Variants in DLG2 observed in about 807,000 individuals in gnomAD.
The protein encoded by DLG2 is disks large homolog 2.
In DLG2, 45 loss-of-function variants were observed where a neutral mutation model predicts 132.5. The ratio of observed to expected loss-of-function variants is 0.34; its 90% CI spans 0.27 to 0.44. The LOEUF is 0.44. Ranked by LOEUF, DLG2 falls within the 20% of genes least tolerant of loss-of-function variation. DLG2 has a pLI of 1.00. For missense variants in DLG2, 1,045 were observed against 1,196.9 expected (o/e 0.87, Z 1.87); for synonymous variants, 424 against 419.6 (o/e 1.01, Z -0.13).
intron 6 of DLG2, among the ~76,000 whole-genome samples, chr11:84,916,141 C>T (rs1214751229): frequency 2.0e-5 from 3 of 151,288 alleles, no homozygotes; most frequent in Non-Finnish European, 2.9e-5. Context: ...GTCAGGAGAT[C>T]GAGACCATCC....
chr11:85,080,773 T>A (rs1393377538), intron 6 of DLG2, among the ~76,000 whole-genome samples: 1 of 152,156 alleles, frequency 6.6e-6, no homozygotes, highest in Non-Finnish European at 1.5e-5. Flanking sequence ...TCTCAATTGT[T>A]GTCCAATCAT....
intron 6 of DLG2, among the ~76,000 whole-genome samples, chr11:84,794,416 G>A (rs1040449843): frequency 1.3e-5 from 2 of 152,180 alleles, no homozygotes; most frequent in African/African-American, 2.4e-5. Context: ...GTGGGAGCTG[G>A]GAACAGGCAG....
At chr11:84,356,333 C>T (rs1026294600) in intron 7 of DLG2, among the ~76,000 whole-genome samples, 4 of 152,064 alleles carry the variant, frequency 2.6e-5, no homozygotes, top group African/African-American at 7.2e-5. Flanking sequence ...TTGTTCTAAG[C>T]CCTGTGGATA....
At chr11:83,571,123 C>A (rs1181591338) in intron 19 of DLG2, among the ~76,000 whole-genome samples, 1 of 152,110 alleles carries the variant, frequency 6.6e-6, no homozygotes, top group East Asian at 1.9e-4. Context: ...TTCAGGTGAT[C>A]CACCCACCTT....
intron 6 of DLG2, among the ~76,000 whole-genome samples, chr11:84,817,539 C>T (rs374981074): frequency 3.3e-5 from 5 of 151,998 alleles, no homozygotes; most frequent in African/African-American, 1.2e-4. Context: ...CTATAAAACT[C>T]TCTTGGATTC....
intron 4 of DLG2, among the ~76,000 whole-genome samples, chr11:85,231,228 G>A (rs2075283282): frequency 6.6e-6 from 1 of 152,020 alleles, no homozygotes; most frequent in South Asian, 2.1e-4. Flanking sequence ...AAGTTATGGA[G>A]GCTTTTTTGT....
chr11:85,389,674 CATAATCTAGA>C (rs1301677365), intron 3 of DLG2, among the ~76,000 whole-genome samples: 2 of 152,064 alleles, frequency 1.3e-5, no homozygotes, highest in African/African-American at 2.4e-5. Flanking sequence ...GCAGAAACTC[CATAATCTAGA>C]AGAAATTAGG....
At chr11:83,642,312 T>G (rs912428141) in intron 18 of DLG2, among the ~76,000 whole-genome samples, 3 of 152,162 alleles carry the variant, frequency 2.0e-5, no homozygotes, top group Non-Finnish European at 4.4e-5. Flanking sequence ...TAGATCAGCC[T>G]TTTAGAATAA....
chr11:83,987,895 G>T (rs537910319), intron 11 of DLG2, among the ~76,000 whole-genome samples: 1 of 152,214 alleles, frequency 6.6e-6, no homozygotes, highest in South Asian at 2.1e-4. Context: ...TACTGATGTT[G>T]AGCCTTTTTT....
intron 6 of DLG2, among the ~76,000 whole-genome samples, chr11:84,721,738 T>G (rs1011010627): frequency 2.6e-5 from 4 of 152,174 alleles, no homozygotes; most frequent in Admixed American, 2.6e-4. Flanking sequence ...CATCCGAGTT[T>G]GGAAACAGAT....
intron 6 of DLG2, among the ~76,000 whole-genome samples, chr11:84,906,381 AACACACACACACACAC>A (rs35833007): frequency 4.9e-5 from 7 of 144,206 alleles, no homozygotes; most frequent in African/African-American, 1.8e-4. Context: ...CAGCAAGGCT[AACACACACACACACAC>A]ACACACACAC....
intron 3 of DLG2, among the ~76,000 whole-genome samples, chr11:85,528,153 C>G (rs1235148146): frequency 6.6e-6 from 1 of 152,078 alleles, no homozygotes; most frequent in Admixed American, 6.6e-5. Flanking sequence ...ACTTTCATGA[C>G]AGTTTCTTTT....
At chr11:84,340,499 T>C (rs1262460967) in intron 7 of DLG2, among the ~76,000 whole-genome samples, 1 of 152,162 alleles carries the variant, frequency 6.6e-6, no homozygotes, top group African/African-American at 2.4e-5. Context: ...CTAGAGTCTA[T>C]GAATCAGGCC....
chr11:85,469,631 T>C (rs2092918932), intron 3 of DLG2: 1 of 152,214 alleles, frequency 6.6e-6, no homozygotes, highest in Admixed American at 6.5e-5. Flanking sequence ...CAACAGCCTT[T>C]CACCTGGTGT....
chr11:83,928,421 G>A (rs1216129074), intron 15 of DLG2, among the ~76,000 whole-genome samples: 1 of 151,922 alleles, frequency 6.6e-6, no homozygotes, highest in African/African-American at 2.4e-5. Flanking sequence ...TTTTCAGGAA[G>A]GATGCTTCAA....
At chr11:83,688,124 C>T (rs1158205027) in intron 18 of DLG2, among the ~76,000 whole-genome samples, 5 of 152,152 alleles carry the variant, frequency 3.3e-5, no homozygotes, top group Non-Finnish European at 7.3e-5. Flanking sequence ...AAAGTGTCCA[C>T]GTTAATGGTC....
intron 6 of DLG2, among the ~76,000 whole-genome samples, chr11:84,650,265 C>T (rs755467708): frequency 1.5e-4 from 23 of 152,152 alleles, no homozygotes; most frequent in Non-Finnish European, 2.8e-4. Context: ...AACTCTCCTC[C>T]CTCATTACTC....
At chr11:84,549,705 G>C (rs989577564) in intron 6 of DLG2, among the ~76,000 whole-genome samples, 1 of 152,042 alleles carries the variant, frequency 6.6e-6, no homozygotes, top group African/African-American at 2.4e-5. Flanking sequence ...GCCAGGACCC[G>C]CCTCCTAACA....
At chr11:85,417,825 T>C (rs1259132877) in intron 3 of DLG2, among the ~76,000 whole-genome samples, 2 of 152,184 alleles carry the variant, frequency 1.3e-5, no homozygotes, top group Non-Finnish European at 2.9e-5. Context: ...ATTATATTCT[T>C]CTCTCTTTTC....
Sources: gnomAD v4.1 joint callset for allele counts (sites outside exome capture counted in the v4.1 genomes callset) on GRCh38, gnomAD v4.1.1 for gene constraint, MANE v1.5 for transcripts, NCBI Gene and HGNC (gene_info 2026-07-23, HGNC 2026-07-21) for gene names.